AGPAT3: variants seen among roughly 807,000 people sequenced by gnomAD.
AGPAT3 encodes 1-acyl-sn-glycerol-3-phosphate acyltransferase gamma.
In AGPAT3, 5 loss-of-function variants were observed where a neutral mutation model predicts 47.3. The observed-to-expected ratio is 0.11, with a 90% confidence interval of 0.06 to 0.22. The LOEUF (loss-of-function observed/expected upper bound fraction) is 0.22, where lower values mean the gene tolerates loss of function less well. AGPAT3 is among the 10% of genes least tolerant of loss of function. The pLI, the probability that AGPAT3 is intolerant of heterozygous loss-of-function variation, is 1.00. For synonymous variants in AGPAT3, 212 were observed against 208.3 expected (o/e 1.02, Z -0.15); for missense variants, 315 against 493.0 (o/e 0.64, Z 3.42).
chr21:43,946,213 T>C (rs1217881594), intron 2 of AGPAT3, among the ~76,000 whole-genome samples: 2 of 152,222 alleles, frequency 1.3e-5, no homozygotes, highest in Admixed American at 1.3e-4. Context: ...CTGGCTTTAT[T>C]CTTGTGAGAG....
At chr21:43,916,434 C>G (rs932792197) in intron 2 of AGPAT3, 1 of 152,028 alleles carries the variant, frequency 6.6e-6, no homozygotes, top group East Asian at 1.9e-4. Context: ...ACGAACATAT[C>G]GAATGACTAT....
At chr21:43,868,833 A>G (rs1160153758) in intron 1 of AGPAT3, among the ~76,000 whole-genome samples, 2 of 152,188 alleles carry the variant, frequency 1.3e-5, no homozygotes, top group South Asian at 4.1e-4. Flanking sequence ...GTATTGCCCC[A>G]TCACACAGAA....
At chr21:43,887,945 G>C (rs956792869) in intron 1 of AGPAT3, among the ~76,000 whole-genome samples, 29 of 152,196 alleles carry the variant, frequency 1.9e-4, no homozygotes, top group African/African-American at 7.0e-4. Flanking sequence ...GAGCCACCAC[G>C]CCCGGCCCAT....
intron 4 of AGPAT3, among the ~76,000 whole-genome samples, 192 bp downstream of exon 4, chr21:43,968,307 A>C (rs981603890): frequency 8.8e-5 from 1 of 11,362 alleles, no homozygotes. Context: ...GGTCCTGGGG[A>C]GGGCTGGGGG....
At position 43,880,617 on chromosome 21, in the gene AGPAT3, C is replaced by G. The variant is rs548889786; in HGVS notation, c.-112+15272C>G. ...GGATGGGTCACAGCTATGTCTGTGG[C>G]CTTTTGCAAATCAACTTCAAAATTT... On this transcript the variant is annotated intron_variant, in intron 1 of 9. Transcript: ENST00000291572. This position sits in a 1 kb window ranked among gnomAD's most constrained non-coding sequence, Gnocchi z 4.5. Among the ~76,000 whole-genome samples, 2 of 152,306 alleles carry G rather than the reference C, an allele frequency of 1.3e-5. No individual in the cohort carries two copies. Among genetic ancestry groups the G allele is most frequent in the African/African-American group, 2.4e-5 (1 of 41,558 alleles).
chr21:43,938,847 T>G (rs893206970), intron 2 of AGPAT3, among the ~76,000 whole-genome samples: 1 of 151,846 alleles, frequency 6.6e-6, no homozygotes, highest in Non-Finnish European at 1.5e-5. Context: ...TCACATGGGG[T>G]CAATGTGTTG....
chr21:43,920,769 C>T lies in AGPAT3; in HGVS notation c.-49+16750C>T, dbSNP rs932802438. Among the ~76,000 whole-genome samples the T allele has an allele frequency of 1.3e-5, 2 of 152,158 alleles. No individual in the cohort carries two copies. Among genetic ancestry groups the T allele is most frequent in the Non-Finnish European group, 2.9e-5 (2 of 68,030 alleles). The stretch of plus-strand genomic sequence containing the variant: ...GGGAGGGTACAGCAGCTCCGAGCTC[C>T]CTGCCCCATACCTCACCCTGTGCAT... On this transcript the variant is annotated intron_variant, in intron 2 of 9. Coordinates refer to ENST00000291572, the MANE Select transcript of AGPAT3 (RefSeq NM_020132.5). This position sits in a 1 kb window ranked among gnomAD's most constrained non-coding sequence, Gnocchi z 6.1.
In AGPAT3 at chr21:43,970,647, T is replaced by A; in HGVS notation, c.511-6T>A. ...TGGAGTGACCCTGTCTCCGTGTTGA[T>A]CCTAGTTTCTCCTGTACTGCGAGGG... On this transcript the variant is annotated splice_polypyrimidine_tract_variant and splice_region_variant and intron_variant, in intron 5 of 9. Transcript: ENST00000291572. This position sits in a 1 kb window ranked among gnomAD's most constrained non-coding sequence, Gnocchi z 5.8. 1 of 1,613,506 alleles carries A rather than the reference T, an allele frequency of 6.2e-7. No homozygotes were observed. The highest frequency in any genetic ancestry group is 8.5e-7 in the Non-Finnish European group (1 of 1,179,666).
At chr21:43,899,251 C>T (rs1318667199) in intron 1 of AGPAT3, among the ~76,000 whole-genome samples, 1 of 152,202 alleles carries the variant, frequency 6.6e-6, no homozygotes, top group African/African-American at 2.4e-5. Flanking sequence ...GTTGGCAGTG[C>T]CGTTCTTTCA....
intron 2 of AGPAT3, among the ~76,000 whole-genome samples, chr21:43,912,174 C>T (rs923275208): frequency 3.9e-5 from 6 of 152,252 alleles, no homozygotes; most frequent in Non-Finnish European, 5.9e-5. Flanking sequence ...CATGGCAACA[C>T]GTGGGCCCGA....
chr21:43,957,249 G>A (rs2088517725), intron 2 of AGPAT3, among the ~76,000 whole-genome samples: 1 of 151,936 alleles, frequency 6.6e-6, no homozygotes, highest in South Asian at 2.1e-4. Flanking sequence ...GGGTTTCATG[G>A]GCGGGTGGGG....
At chr21:43,968,599 G>T (rs1389138302) in intron 4 of AGPAT3, among the ~76,000 whole-genome samples, 1 of 152,008 alleles carries the variant, frequency 6.6e-6, no homozygotes, top group African/African-American at 2.4e-5. Flanking sequence ...TCCTCCTGGG[G>T]CGTCTCTTTG....
chr21:43,909,507 A>G (rs1056240451), intron 2 of AGPAT3, among the ~76,000 whole-genome samples: 2 of 152,156 alleles, frequency 1.3e-5, no homozygotes, highest in South Asian at 2.1e-4. Context: ...CGTGTTAGCC[A>G]GGATGGTCTC....
At chr21:43,917,972 G>C (rs1438757676) in intron 2 of AGPAT3, among the ~76,000 whole-genome samples, 1 of 103,070 alleles carries the variant, frequency 9.7e-6, no homozygotes, top group South Asian at 3.6e-4. Flanking sequence ...GTGGGTGTTG[G>C]GGGTGTTGTG....
rs1045161892 is a variant in AGPAT3 at position 43,981,455 on chromosome 21, C to T, written c.1042+268C>T. The stretch of plus-strand genomic sequence containing the variant: ...CACTGGCTGGCGCCCTTGAGGATGC[C>T]GACGAGAGGGTCCCCGAGAGGGTCC... On this transcript the variant is annotated intron_variant, in intron 9 of 9. Coordinates refer to ENST00000291572, the MANE Select transcript of AGPAT3 (RefSeq NM_020132.5). The surrounding 1 kb of genome is among the most constrained non-coding windows in gnomAD (Gnocchi z 5.3). The T allele has an allele frequency of 6.3e-5, 34 of 536,172 alleles. No individual in the cohort carries two copies. The highest frequency in any genetic ancestry group is 1.3e-4 in the Admixed American group (4 of 31,874). The allele number at this position is 536,172 out of a possible 1,614,324, so 33.2% of individuals were successfully genotyped here.
chr21:43,947,453 C>T (rs918562790), intron 2 of AGPAT3, among the ~76,000 whole-genome samples: 9 of 152,192 alleles, frequency 5.9e-5, no homozygotes, highest in African/African-American at 1.7e-4. Context: ...GCTGGAGTGA[C>T]GCCCCCGGCA....
intron 2 of AGPAT3, among the ~76,000 whole-genome samples, chr21:43,926,132 G>A (rs924502702): frequency 1.3e-5 from 2 of 152,222 alleles, no homozygotes; most frequent in Admixed American, 6.5e-5. Context: ...TCAGTGGTAC[G>A]GTGGCTGCGG....
At chr21:43,979,674 C>T (rs2089769831) in intron 8 of AGPAT3, among the ~76,000 whole-genome samples, 1 of 152,188 alleles carries the variant, frequency 6.6e-6, no homozygotes, top group Non-Finnish European at 1.5e-5. Context: ...CCTGGGAATT[C>T]ATAATTACAG....
chr21:43,866,976 C>T (rs1457213800), intron 1 of AGPAT3, among the ~76,000 whole-genome samples: 1 of 152,370 alleles, frequency 6.6e-6, no homozygotes, highest in South Asian at 2.1e-4. Context: ...TGCCCCGCCC[C>T]AGGCTGGGGC....
Sources: allele counts gnomAD v4.1 joint callset (sites outside exome capture counted in the v4.1 genomes callset), GRCh38; gene constraint gnomAD v4.1.1; non-coding constraint Gnocchi (gnomAD v3.1); transcripts MANE v1.5; gene names NCBI Gene and HGNC (gene_info 2026-07-23, HGNC 2026-07-21).